YAF2: variants seen among roughly 807,000 people sequenced by gnomAD.
YAF2 encodes YY1-associated factor 2.
Under a neutral mutation model 20.1 loss-of-function variants are expected in YAF2, and 7 were observed. That is an observed-to-expected ratio of 0.35 (90% CI 0.20 to 0.65). The LOEUF is 0.65. Among genes scored for constraint, YAF2 ranks in the 30% least tolerant of loss-of-function variants. The probability of loss-of-function intolerance (pLI) is 0.69; values close to 1 mark genes in which losing one functional copy is unlikely to be tolerated. For missense variants in YAF2, 151 were observed against 219.2 expected (o/e 0.69, Z 1.96); for synonymous variants, 74 against 76.0 (o/e 0.97, Z 0.14).
chr12:42,234,691 A>C, intron 2 of YAF2: 2 of 984,806 alleles, frequency 2.0e-6, no homozygotes, highest in Non-Finnish European at 2.4e-6. Context: ...TTATATTGCC[A>C]ATAAAGACTT....
intron 2 of YAF2, among the ~76,000 whole-genome samples, chr12:42,164,982 G>A (rs1290190031): frequency 1.3e-5 from 2 of 151,364 alleles, no homozygotes; most frequent in Admixed American, 1.3e-4. Flanking sequence ...TTGAGCCCAG[G>A]AGGTGGAGGT....
At chr12:42,192,812 A>G (rs2066648966) in intron 2 of YAF2, among the ~76,000 whole-genome samples, 1 of 152,196 alleles carries the variant, frequency 6.6e-6, no homozygotes, top group Admixed American at 6.5e-5. Context: ...AGTTCTTTGC[A>G]AAGTTACTTT....
chr12:42,163,192 A>G (rs2065837047), intron 2 of YAF2, among the ~76,000 whole-genome samples: 1 of 152,164 alleles, frequency 6.6e-6, no homozygotes, highest in African/African-American at 2.4e-5. Flanking sequence ...GAAATGCAAT[A>G]TATCTGGTGA....
At chr12:42,227,613 G>A (rs560191246) in intron 2 of YAF2, among the ~76,000 whole-genome samples, 97 of 149,226 alleles carry the variant, frequency 6.5e-4, no homozygotes, top group Admixed American at 3.8e-3. Flanking sequence ...CAACCACCCC[G>A]TCTGAGAAGT....
At chr12:42,237,342 C>G in intron 2 of YAF2, 1 of 1,071,722 alleles carries the variant, frequency 9.3e-7, no homozygotes. Context: ...CGAATTAAAT[C>G]GCAGTAGCTA....
chr12:42,182,231 G>A (rs1408771633), intron 2 of YAF2, among the ~76,000 whole-genome samples: 1 of 152,132 alleles, frequency 6.6e-6, no homozygotes, highest in Non-Finnish European at 1.5e-5. Context: ...TATGTTTGAC[G>A]AGGAAGCAGA....
chr12:42,220,611 C>G (rs914191069), intron 2 of YAF2, among the ~76,000 whole-genome samples: 1 of 152,154 alleles, frequency 6.6e-6, no homozygotes, highest in African/African-American at 2.4e-5. Context: ...TCCACAAATG[C>G]ACCAAGAGCT....
intron 2 of YAF2, among the ~76,000 whole-genome samples, chr12:42,185,350 C>T (rs938043867): frequency 6.6e-6 from 1 of 152,208 alleles, no homozygotes; most frequent in African/African-American, 2.4e-5. Flanking sequence ...GGTGAAGATG[C>T]TGTGAACACA....
chr12:42,198,652 G>T (rs1027330781), intron 2 of YAF2, among the ~76,000 whole-genome samples: 3 of 152,152 alleles, frequency 2.0e-5, no homozygotes, highest in Admixed American at 1.3e-4. Context: ...GTAGATCTAG[G>T]TATCAGGGAA....
At chr12:42,222,512 A>G (rs1298010005) in intron 2 of YAF2, among the ~76,000 whole-genome samples, 1 of 152,202 alleles carries the variant, frequency 6.6e-6, no homozygotes, top group Non-Finnish European at 1.5e-5. Context: ...CGGTTTGATG[A>G]GCAAATAGAA....
intron 2 of YAF2, among the ~76,000 whole-genome samples, chr12:42,222,933 A>G (rs1003160744): frequency 2.0e-5 from 3 of 150,050 alleles, no homozygotes; most frequent in Admixed American, 6.8e-5. Flanking sequence ...ATTGCTGCCA[A>G]ATTCTTTTTT....
chr12:42,179,384 C>T (rs1192929432), intron 2 of YAF2, among the ~76,000 whole-genome samples: 5 of 152,182 alleles, frequency 3.3e-5, no homozygotes, highest in Non-Finnish European at 5.9e-5. Flanking sequence ...GCAGGAGAAT[C>T]GCTTGAACCC....
At chr12:42,204,792 C>G (rs2066993547) in intron 2 of YAF2, among the ~76,000 whole-genome samples, 1 of 152,252 alleles carries the variant, frequency 6.6e-6, no homozygotes, top group South Asian at 2.1e-4. Context: ...ACCTTAAACA[C>G]ATGCTAAGTG....
At position 42,228,020 on chromosome 12, in the gene YAF2, T is replaced by C. The variant is rs1422478805; in HGVS notation, c.152+9579A>G. 3.4e-4 allele frequency among the ~76,000 whole-genome samples: 28 copies of C among 81,656 alleles called. 1 individual carries two copies. The highest frequency in any genetic ancestry group is 1.4e-3 in the African/African-American group (28 of 20,492). The allele number at this position is 81,656 out of a possible 152,430, so 53.6% of individuals were successfully genotyped here. On this transcript the variant is annotated intron_variant, in intron 2 of 3. Transcript: ENST00000534854. ...CCAGCCGCCCCGTCCAGGAGGGAGG[T>C]GGGGGGTCAGCCCTCCGCCCGGCCA...
At chr12:42,233,007 TAAAG>T (rs1228029546) in intron 2 of YAF2, 1 of 985,302 alleles carries the variant, frequency 1.0e-6, no homozygotes, top group Admixed American at 6.2e-5. Flanking sequence ...TGTAAAATTT[TAAAG>T]AAACAAAAAA....
intron 2 of YAF2, among the ~76,000 whole-genome samples, chr12:42,209,335 G>A (rs994182519): frequency 6.6e-6 from 1 of 151,478 alleles, no homozygotes; most frequent in Non-Finnish European, 1.5e-5. Flanking sequence ...AGGCCAAGGT[G>A]GGCAGATCAT....
Position 42,164,408 on chromosome 12 carries a change from A to G in YAF2, c.153-2643T>C, listed in dbSNP as rs12300611. On this transcript the variant is annotated intron_variant, in intron 2 of 3. Transcript: ENST00000534854. ...GTTGGCTTCATATATGCAATTTTCA[A>G]CTACGGTCTGCCTTCCACCCCCACT... Among the ~76,000 whole-genome samples, 1,507 of 152,284 alleles carry G rather than the reference A, an allele frequency of 9.9e-3. 29 individuals are homozygous for G. The highest frequency in any genetic ancestry group is 0.035 in the African/African-American group (1,441 of 41,568).
intron 2 of YAF2, 38 bp downstream of exon 2, chr12:42,237,561 C>A: frequency 6.7e-7 from 1 of 1,486,326 alleles, no homozygotes; most frequent in Non-Finnish European, 9.0e-7. Flanking sequence ...GTCGCCACCC[C>A]GCCGGCCGGC....
rs372352873 is a variant in YAF2 at position 42,233,988 on chromosome 12, T to C, written c.152+3611A>G. 50 of 834,448 alleles carry C rather than the reference T, an allele frequency of 6.0e-5. No homozygotes were observed. In the Middle Eastern group the frequency reaches 2.4e-3, roughly 41 times the overall value. The allele number at this position is 834,448 out of a possible 1,614,324, so 51.7% of individuals were successfully genotyped here. A position where few individuals can be genotyped will look rare whatever the true frequency, so the allele number is the denominator to read the frequency against. On this transcript the variant is annotated intron_variant, in intron 2 of 3. Coordinates refer to ENST00000534854, the MANE Select transcript of YAF2 (RefSeq NM_005748.6). ...GAGTTTGAGACCAGCCTGGCCAGCA[T>C]AGTGAAACCCCATCTCTACTAAAAA...
Sources: allele counts gnomAD v4.1 joint callset (sites outside exome capture counted in the v4.1 genomes callset), GRCh38; gene constraint gnomAD v4.1.1; transcripts MANE v1.5; gene names NCBI Gene and HGNC (gene_info 2026-07-23, HGNC 2026-07-21).